ZNF804B: variants seen among roughly 807,000 people sequenced by gnomAD.
ZNF804B encodes the protein zinc finger protein 804B, also known as zinc finger 804B.
ZNF804B carries 80 observed loss-of-function variants against 101.4 expected under a neutral mutation model. The observed-to-expected ratio is 0.79, with a 90% CI of 0.66 to 0.95. ZNF804B has a LOEUF of 0.95. ZNF804B is among the 40% of genes least tolerant of loss of function. The pLI, the probability that ZNF804B is intolerant of heterozygous loss-of-function variation, is 0.00. For synonymous variants in ZNF804B, 622 were observed against 558.8 expected, an observed-to-expected ratio of 1.11 and a Z score of -1.59; for missense variants, 1,673 against 1,561.9, an observed-to-expected ratio of 1.07 and a Z score of -1.20.
chr7:88,893,283 T>C (rs1792239229), intron 1 of ZNF804B, among the ~76,000 whole-genome samples: 1 of 152,126 alleles, frequency 6.6e-6, no homozygotes, highest in Non-Finnish European at 1.5e-5. Context: ...AAAAAGGCAT[T>C]TCAAAAATAT....
At chr7:88,984,789 T>A (rs920976376) in intron 1 of ZNF804B, among the ~76,000 whole-genome samples, 1 of 152,176 alleles carries the variant, frequency 6.6e-6, no homozygotes, top group South Asian at 2.1e-4. Flanking sequence ...TCTAATTAAA[T>A]CACTTAGAAA....
chr7:89,235,096 T>C (rs1350808559), intron 2 of ZNF804B, among the ~76,000 whole-genome samples: 1 of 152,174 alleles, frequency 6.6e-6, no homozygotes, highest in African/African-American at 2.4e-5. Flanking sequence ...TTAATCTGCA[T>C]GTAATTGTCT....
intron 1 of ZNF804B, among the ~76,000 whole-genome samples, chr7:89,124,233 C>T (rs1225953287): frequency 7.3e-6 from 1 of 136,302 alleles, no homozygotes; most frequent in Non-Finnish European, 1.7e-5. Flanking sequence ...TCCCACTATT[C>T]TTATCTTGAA....
intron 1 of ZNF804B, among the ~76,000 whole-genome samples, chr7:88,905,911 T>G (rs28818506): frequency 0.05 from 7,020 of 141,558 alleles, 224 homozygotes; most frequent in African/African-American, 0.073. Flanking sequence ...TTTTTTTTTT[T>G]GGGGTTGATA....
At chr7:88,864,249 A>G (rs1249757026) in intron 1 of ZNF804B, among the ~76,000 whole-genome samples, 1 of 152,248 alleles carries the variant, frequency 6.6e-6, no homozygotes, top group Non-Finnish European at 1.5e-5. Context: ...CTAGTGTAAT[A>G]AGCTCTTAAG....
chr7:89,216,343 G>A (rs1788896460), intron 1 of ZNF804B, among the ~76,000 whole-genome samples: 1 of 152,064 alleles, frequency 6.6e-6, no homozygotes, highest in South Asian at 2.1e-4. Flanking sequence ...AAAGAGTGGA[G>A]AAATAATGGT....
At chr7:89,176,387 G>A (rs1221729788) in intron 1 of ZNF804B, among the ~76,000 whole-genome samples, 2 of 151,942 alleles carry the variant, frequency 1.3e-5, no homozygotes, top group Non-Finnish European at 2.9e-5. Flanking sequence ...TTGATATGAT[G>A]TAGCACATTG....
intron 2 of ZNF804B, among the ~76,000 whole-genome samples, chr7:89,270,616 G>T (rs1789877969): frequency 1.3e-5 from 2 of 152,174 alleles, no homozygotes; most frequent in South Asian, 4.1e-4. Context: ...GTCATTGGTA[G>T]CTTGATGGGG....
At chr7:89,002,927 C>A (rs573790320) in intron 1 of ZNF804B, among the ~76,000 whole-genome samples, 1 of 151,780 alleles carries the variant, frequency 6.6e-6, no homozygotes, top group African/African-American at 2.4e-5. Flanking sequence ...AAACTCAATT[C>A]TTGAATGTGA....
intron 1 of ZNF804B, among the ~76,000 whole-genome samples, chr7:89,036,220 A>T (rs1788924927): frequency 6.6e-6 from 1 of 151,092 alleles, no homozygotes; most frequent in African/African-American, 2.4e-5. Context: ...CTTATTAGTT[A>T]TTTGCAAATT....
rs866598946 is a variant in ZNF804B, at chr7:88,877,789, T to G, written c.108+117705T>G. ...GCTATTATTATTTTCATAAAATATA[T>G]TATCTTTTACATTCACTCAGAACCA... On this transcript the variant is annotated intron_variant, in intron 1 of 3. Coordinates refer to ENST00000333190, the MANE Select transcript of ZNF804B (RefSeq NM_181646.5). Among the ~76,000 whole-genome samples the G allele has an allele frequency of 3.9e-5, 6 of 152,266 alleles. No homozygotes were observed. In the South Asian group the frequency reaches 1.0e-3, roughly 26 times the overall value.
chr7:89,176,408 A>G (rs1791318437), intron 1 of ZNF804B, among the ~76,000 whole-genome samples: 1 of 151,974 alleles, frequency 6.6e-6, no homozygotes, highest in Admixed American at 6.6e-5. Flanking sequence ...ACTGACTTGC[A>G]TATGTTAAAC....
chr7:89,330,708 G>A (rs574413986), intron 3 of ZNF804B, among the ~76,000 whole-genome samples: 1 of 151,298 alleles, frequency 6.6e-6, no homozygotes, highest in Non-Finnish European at 1.5e-5. Context: ...TTAACAATAA[G>A]GACAAAATGT....
chr7:88,893,062 C>A (rs868271603), intron 1 of ZNF804B, among the ~76,000 whole-genome samples: 40 of 152,068 alleles, frequency 2.6e-4, no homozygotes, highest in Middle Eastern at 3.4e-3. Flanking sequence ...TTAAATTTAA[C>A]CTATTTGCTG....
At chr7:89,270,739 C>T (rs904398226) in intron 2 of ZNF804B, among the ~76,000 whole-genome samples, 7 of 152,208 alleles carry the variant, frequency 4.6e-5, no homozygotes, top group African/African-American at 7.2e-5. Flanking sequence ...TCTTTTATTT[C>T]GTTGAGCAAT....
intron 1 of ZNF804B, among the ~76,000 whole-genome samples, chr7:88,779,339 G>T (rs1403987598): frequency 6.6e-6 from 1 of 152,124 alleles, no homozygotes; most frequent in Non-Finnish European, 1.5e-5. Context: ...GTCAACTCAT[G>T]AATAATCCCT....
At chr7:88,975,495 A>G (rs1008805931) in intron 1 of ZNF804B, among the ~76,000 whole-genome samples, 13 of 151,462 alleles carry the variant, frequency 8.6e-5, no homozygotes, top group African/African-American at 3.1e-4. Context: ...ATGAGAAAGT[A>G]TCTCATTGTT....
chr7:88,968,812 C>G (rs1328858621), intron 1 of ZNF804B, among the ~76,000 whole-genome samples: 1 of 151,594 alleles, frequency 6.6e-6, no homozygotes, highest in Non-Finnish European at 1.5e-5. Flanking sequence ...TCAGGTAGTT[C>G]ACAATATACT....
chr7:89,197,285 C>T (rs1474191406), intron 1 of ZNF804B, among the ~76,000 whole-genome samples: 1 of 151,862 alleles, frequency 6.6e-6, no homozygotes, highest in Non-Finnish European at 1.5e-5. Flanking sequence ...CGGAACAGAA[C>T]AAAAAGGCCT....
Sources: allele counts gnomAD v4.1 joint callset (sites outside exome capture counted in the v4.1 genomes callset), GRCh38; gene constraint gnomAD v4.1.1; transcripts MANE v1.5; gene names NCBI Gene and HGNC (gene_info 2026-07-23, HGNC 2026-07-21).